The following SHISAL2A variants were observed in gnomAD, a reference collection of about 807,000 sequenced individuals.
SHISAL2A encodes shisa like 2A, also known as protein shisa-like-2A.
In SHISAL2A, 18 loss-of-function variants were observed where a neutral mutation model predicts 11.5. The observed-to-expected ratio is 1.57, with a 90% CI of 1.08 to 2.33. SHISAL2A has a LOEUF of 2.33. Among genes scored for constraint, SHISAL2A ranks in the 30% most tolerant of loss-of-function variants. SHISAL2A has a pLI of 0.00. For synonymous variants in SHISAL2A, 94 were observed against 99.6 expected (o/e 0.94, Z 0.34); for missense variants, 261 against 250.9 (o/e 1.04, Z -0.27).
At position 52,644,974 on chromosome 1, in the gene SHISAL2A, G is replaced by A. The variant is rs373089499; in HGVS notation, c.322+1972G>A. ...GGAGCTTGCAGTGAGCAGAAATTGCGCCACTGCACTCCAGCCTGGGCAACA... is the reference window on the plus strand; with the variant it reads ...GGAGCTTGCAGTGAGCAGAAATTGCACCACTGCACTCCAGCCTGGGCAACA... On this transcript the variant is annotated intron_variant, in intron 2 of 2. Coordinates refer to ENST00000517870, the MANE Select transcript of SHISAL2A (RefSeq NM_001042693.3). Among the ~76,000 whole-genome samples, 603 of 149,150 alleles carry A rather than the reference G, an allele frequency of 4.0e-3. 5 individuals are homozygous for A. The highest frequency in any genetic ancestry group is 0.014 in the African/African-American group (577 of 40,314).
chr1:52,665,889 G>C (rs907083145), intron 4 of SHISAL2A, among the ~76,000 whole-genome samples: 1 of 152,174 alleles, frequency 6.6e-6, no homozygotes, highest in South Asian at 2.1e-4. Flanking sequence ...CATGTATTCC[G>C]ATGGAGCTGC....
chr1:52,656,707 G>GT (rs1691796592), intron 2 of SHISAL2A, 83 bp from the exon 3 acceptor site: 16 of 1,469,872 alleles, frequency 1.1e-5, no homozygotes, highest in Non-Finnish European at 1.5e-5. Context: ...ACTGCCCAAG[G>GT]TAAGCACCAG....
intron 2 of SHISAL2A, among the ~76,000 whole-genome samples, chr1:52,648,942 G>A (rs1039769744): frequency 3.3e-5 from 5 of 152,016 alleles, no homozygotes; most frequent in African/African-American, 7.2e-5. Flanking sequence ...TCAGCCACCA[G>A]CTGAATTATT....
Position 52,654,258 on chromosome 1 carries a change from T to TAGATAGATAGATAGATAGATAGAC in SHISAL2A, c.323-2529_323-2528insTAGATAGATAGATAGATAGACAGA, listed in dbSNP as rs1305001656. 1.7e-3 allele frequency among the ~76,000 whole-genome samples: 257 copies of TAGATAGATAGATAGATAGATAGAC among 151,126 alleles called. 1 individual carries two copies. Among genetic ancestry groups the TAGATAGATAGATAGATAGATAGAC allele is most frequent in the African/African-American group, 5.8e-3 (239 of 40,948 alleles). The stretch of plus-strand genomic sequence containing the variant: ...ATAGATAGATAGATAGATAGATAGA[T>TAGATAGATAGATAGATAGATAGAC]AGACAGATAGATAGATAGATAGATA... On this transcript the variant is annotated intron_variant, in intron 2 of 2. Coordinates refer to ENST00000517870, the MANE Select transcript of SHISAL2A (RefSeq NM_001042693.3).
At chr1:52,666,297 C>T (rs1692012887) in intron 4 of SHISAL2A, among the ~76,000 whole-genome samples, 3 of 151,990 alleles carry the variant, frequency 2.0e-5, no homozygotes, top group African/African-American at 7.2e-5. Flanking sequence ...ACTAAAAGTA[C>T]AAAAATTAGC....
At chr1:52,657,584 G>C (rs1202834427), downstream of SHISAL2A, among the ~76,000 whole-genome samples, 1 of 152,180 alleles carries the variant, frequency 6.6e-6, no homozygotes, top group African/African-American at 2.4e-5. Flanking sequence ...GCAGGGCGCG[G>C]CAGTTCACGC....
intron 2 of SHISAL2A, among the ~76,000 whole-genome samples, chr1:52,651,331 A>G (rs981244272): frequency 8.5e-5 from 13 of 152,172 alleles, no homozygotes; most frequent in African/African-American, 2.9e-4. Flanking sequence ...TGCGCCTCCC[A>G]GGTTCAAGCA....
chr1:52,662,165 G>A (rs549871215), intron 4 of SHISAL2A, among the ~76,000 whole-genome samples: 1 of 152,108 alleles, frequency 6.6e-6, no homozygotes, highest in African/African-American at 2.4e-5. Flanking sequence ...GCCAAGATGT[G>A]GGGTAAGGAC....
chr1:52,646,732 A>G (rs1284052656), intron 2 of SHISAL2A, among the ~76,000 whole-genome samples: 1 of 152,176 alleles, frequency 6.6e-6, no homozygotes, highest in East Asian at 1.9e-4. Flanking sequence ...TGCAGCTCTC[A>G]TGGTACAAGC....
rs572228972 is a variant in SHISAL2A, at chr1:52,641,026, TTC to T, written c.183-1835_183-1834del. Among the ~76,000 whole-genome samples the T allele has an allele frequency of 2.5e-4, 38 of 152,278 alleles. No individual in the cohort carries two copies. In the South Asian group the frequency reaches 7.9e-3, roughly 32 times the overall value. On this transcript the variant is annotated intron_variant, in intron 1 of 2. Transcript: ENST00000517870. ...ATCCCGAAGACAGGGTTTAGAGAAC[TTC>T]TGGATTGCTGAACACGTGGAGGTCC...
Position 52,634,518 on chromosome 1 carries a change from C to G in SHISAL2A, c.182+843C>G, listed in dbSNP as rs141935540. On this transcript the variant is annotated intron_variant, in intron 1 of 2. Transcript: ENST00000517870. ...GGCCATATTCATAGAAGTGTTGACT[C>G]TCCACCCATAGGACCTCAGTTTCCC... Among the ~76,000 whole-genome samples the G allele has an allele frequency of 5.3e-5, 8 of 152,336 alleles. No individual in the cohort carries two copies. In the East Asian group the frequency reaches 1.5e-3, roughly 29 times the overall value.
intron 2 of SHISAL2A, among the ~76,000 whole-genome samples, chr1:52,647,062 G>A (rs957830001): frequency 6.6e-6 from 1 of 152,080 alleles, no homozygotes; most frequent in African/African-American, 2.4e-5. Context: ...TTGAATTACT[G>A]AACTTAGGTG....
intron 4 of SHISAL2A, among the ~76,000 whole-genome samples, chr1:52,666,728 T>C (rs1036108175): frequency 2.0e-5 from 3 of 152,132 alleles, no homozygotes; most frequent in Non-Finnish European, 2.9e-5. Context: ...AAACTACCTC[T>C]GGCAAAATTA....
intron 4 of SHISAL2A, among the ~76,000 whole-genome samples, chr1:52,666,829 G>A (rs533362539): frequency 3.3e-5 from 5 of 152,326 alleles, no homozygotes; most frequent in Admixed American, 3.3e-4. Context: ...GGGCAGCTGG[G>A]CACGGCCAAA....
At chr1:52,635,129 T>C (rs1691211182) in intron 1 of SHISAL2A, among the ~76,000 whole-genome samples, 1 of 152,148 alleles carries the variant, frequency 6.6e-6, no homozygotes, top group Non-Finnish European at 1.5e-5. Context: ...GCCAGGCACT[T>C]TGCAAGGTAT....
At position 52,638,549 on chromosome 1, in the gene SHISAL2A, T is replaced by C. The variant is rs149228485; in HGVS notation, c.183-4314T>C. ...TCTAAGCTTGGATTCACCAGGAGAC[T>C]CTGAGATGAGGATTTGATGGCAAGT... On this transcript the variant is annotated intron_variant, in intron 1 of 2. Coordinates refer to ENST00000517870, the MANE Select transcript of SHISAL2A (RefSeq NM_001042693.3). 1.2e-3 allele frequency among the ~76,000 whole-genome samples: 184 copies of C among 152,250 alleles called. 2 individuals carry two copies. In the East Asian group the frequency reaches 0.021, roughly 17 times the overall value.
At chr1:52,660,443 C>T (rs1056014318), downstream of SHISAL2A, among the ~76,000 whole-genome samples, 1 of 152,166 alleles carries the variant, frequency 6.6e-6, no homozygotes, top group Admixed American at 6.5e-5. Context: ...AGCCCCTCCC[C>T]CAGGGCAGCC....
Position 52,633,784 on chromosome 1 carries a change from T to A in SHISAL2A, c.182+109T>A. ...CCACCTGAACATCAGCAGCAAGCTC[T>A]AGTCCTTACCGTCCTCATGCCCACA... is the stretch of plus-strand genomic sequence containing the variant. On this transcript the variant is annotated intron_variant, in intron 1 of 2. Transcript: ENST00000517870. This position sits in a 1 kb window ranked among gnomAD's most constrained non-coding sequence, Gnocchi z 6.4. 4.6e-6 allele frequency: 4 copies of A among 878,736 alleles called. No individual in the cohort carries two copies. In the South Asian group the frequency reaches 6.0e-5, roughly 13 times the overall value. 54.4% of individuals were successfully genotyped at this position (878,736 alleles called of 1,614,324 possible).
chr1:52,637,299 A>G (rs1047416389), intron 1 of SHISAL2A, among the ~76,000 whole-genome samples: 1 of 152,194 alleles, frequency 6.6e-6, no homozygotes, highest in Non-Finnish European at 1.5e-5. Flanking sequence ...CGTGCTCTGA[A>G]CCTTGAAATA....
Sources: allele counts gnomAD v4.1 joint callset (sites outside exome capture counted in the v4.1 genomes callset), GRCh38; gene constraint gnomAD v4.1.1; non-coding constraint Gnocchi (gnomAD v3.1); transcripts MANE v1.5; gene names NCBI Gene and HGNC (gene_info 2026-07-23, HGNC 2026-07-21).